ASCC3: variants seen among roughly 807,000 people sequenced by gnomAD.
ASCC3 encodes the protein ASC-1 complex subunit P200.
Under a neutral mutation model 256.3 loss-of-function variants are expected in ASCC3, and 158 were observed. The ratio of observed to expected loss-of-function variants is 0.62; its 90% confidence interval spans 0.54 to 0.70. The LOEUF is 0.70. Among genes scored for constraint, ASCC3 ranks in the 30% least tolerant of loss-of-function variants. ASCC3 has a pLI of 0.00. For missense variants in ASCC3, 2,259 were observed against 2,626.0 expected, an observed-to-expected ratio of 0.86 and a Z score of 3.05; for synonymous variants, 948 against 883.4, an observed-to-expected ratio of 1.07 and a Z score of -1.30.
intron 36 of ASCC3, among the ~76,000 whole-genome samples, chr6:100,560,271 A>G (rs1769863236): frequency 6.6e-6 from 1 of 152,154 alleles, no homozygotes; most frequent in South Asian, 2.1e-4. Flanking sequence ...AACTTTCGAG[A>G]AGTTATATTT....
chr6:100,685,716 T>C (rs1250527117), intron 13 of ASCC3, among the ~76,000 whole-genome samples: 1 of 152,242 alleles, frequency 6.6e-6, no homozygotes, highest in Admixed American at 6.5e-5. Context: ...ATTTCAGATA[T>C]ATTTATTTAT....
At chr6:100,660,333 G>A (rs1027844482) in intron 16 of ASCC3, among the ~76,000 whole-genome samples, 5 of 151,614 alleles carry the variant, frequency 3.3e-5, no homozygotes, top group Non-Finnish European at 7.4e-5. Context: ...GATAATGTAC[G>A]TGAAGCACTG....
intron 13 of ASCC3, among the ~76,000 whole-genome samples, chr6:100,709,926 GTA>G (rs1472266065): frequency 6.6e-6 from 1 of 152,112 alleles, no homozygotes; most frequent in African/African-American, 2.4e-5. Flanking sequence ...TAGGAGATAT[GTA>G]GGTATTTCTA....
At chr6:100,718,017 G>C in intron 12 of ASCC3, 58 bp downstream of exon 12, 1 of 1,537,346 alleles carries the variant, frequency 6.5e-7, no homozygotes, top group South Asian at 1.1e-5. Context: ...CTCCAAACAA[G>C]TATTCAATAA....
chr6:100,522,455 G>A (rs1048701902), intron 37 of ASCC3, among the ~76,000 whole-genome samples: 2 of 152,114 alleles, frequency 1.3e-5, no homozygotes, highest in African/African-American at 4.8e-5. Context: ...CACATTTTAA[G>A]TGAGGTGCTA....
chr6:100,580,175 T>C (rs1478303308), intron 36 of ASCC3, among the ~76,000 whole-genome samples: 1 of 152,160 alleles, frequency 6.6e-6, no homozygotes, highest in Non-Finnish European at 1.5e-5. Flanking sequence ...TACACTAATT[T>C]TGTATTCTGG....
chr6:100,676,407 A>T (rs892219078), intron 14 of ASCC3, among the ~76,000 whole-genome samples: 2 of 152,182 alleles, frequency 1.3e-5, no homozygotes, highest in African/African-American at 4.8e-5. Flanking sequence ...TAGAGGTAAA[A>T]TCACAACCAG....
chr6:100,674,317 T>C (rs957240976), intron 14 of ASCC3, among the ~76,000 whole-genome samples: 2 of 151,976 alleles, frequency 1.3e-5, no homozygotes, highest in South Asian at 4.1e-4. Flanking sequence ...TTACCCACTT[T>C]ATTTCTTCTT....
chr6:100,766,485 A>T, intron 10 of ASCC3, 80 bp downstream of exon 10: 1 of 1,366,234 alleles, frequency 7.3e-7, no homozygotes, highest in Non-Finnish European at 1.0e-6. Context: ...CTAGTTATTT[A>T]AGATATAGTC....
chr6:100,729,870 C>A (rs1284938000), intron 10 of ASCC3, among the ~76,000 whole-genome samples: 1 of 152,048 alleles, frequency 6.6e-6, no homozygotes, highest in Non-Finnish European at 1.5e-5. Flanking sequence ...ACTGTGTAAT[C>A]ACATATGTGA....
At chr6:100,771,884 T>G (rs957969069) in intron 8 of ASCC3, among the ~76,000 whole-genome samples, 3 of 140,842 alleles carry the variant, frequency 2.1e-5, no homozygotes, top group South Asian at 2.5e-4. Context: ...TTTTTTTTTT[T>G]TTTTTTTTTT....
chr6:100,739,352 T>C (rs1006196159), intron 10 of ASCC3, among the ~76,000 whole-genome samples: 36 of 152,212 alleles, frequency 2.4e-4, no homozygotes, highest in African/African-American at 6.5e-4. Context: ...CAGTATTTTA[T>C]TGAGGATTTT....
intron 10 of ASCC3, among the ~76,000 whole-genome samples, chr6:100,752,409 T>G (rs150738925): frequency 6.6e-6 from 1 of 152,096 alleles, no homozygotes; most frequent in Admixed American, 6.6e-5. Flanking sequence ...GAAACCCAAA[T>G]AAAGTGGCAT....
intron 10 of ASCC3, among the ~76,000 whole-genome samples, chr6:100,753,807 A>G (rs1456255591): frequency 6.6e-6 from 1 of 152,156 alleles, no homozygotes; most frequent in African/African-American, 2.4e-5. Flanking sequence ...TGTTTTTGTT[A>G]TATTATTTGG....
At chr6:100,600,661 C>T (rs1267893192) in intron 34 of ASCC3, among the ~76,000 whole-genome samples, 2 of 151,974 alleles carry the variant, frequency 1.3e-5, no homozygotes, top group Admixed American at 6.6e-5. Flanking sequence ...TAAGACTTTA[C>T]AATGGTTTAA....
intron 14 of ASCC3, among the ~76,000 whole-genome samples, chr6:100,670,635 T>C (rs993703431): frequency 2.3e-5 from 3 of 132,432 alleles, no homozygotes; most frequent in African/African-American, 9.7e-5. Flanking sequence ...ACAACCAACT[T>C]TTTTTCCCCC....
chr6:100,844,575 T>C (rs1772302120), intron 4 of ASCC3, among the ~76,000 whole-genome samples: 1 of 152,104 alleles, frequency 6.6e-6, no homozygotes. Context: ...TCAAGTCTTA[T>C]TCACTTCCGG....
rs149956014 is a variant in ASCC3 at position 100,787,723 on chromosome 6, A to G, written c.1395+10990T>C. Among the ~76,000 whole-genome samples the G allele has an allele frequency of 1.5e-4, 23 of 152,256 alleles. 1 individual carries two copies. Among genetic ancestry groups the G allele is most frequent in the African/African-American group, 5.5e-4 (23 of 41,584 alleles). ...TTAACAAACATGCAAAAACAAATCA[A>G]TGTAGAGAGAAATCTTTTTGATAAA... On this transcript the variant is annotated intron_variant, in intron 8 of 41. Coordinates refer to ENST00000369162, the MANE Select transcript of ASCC3 (RefSeq NM_006828.4).
chr6:100,847,341 A>G (rs1772433637), intron 4 of ASCC3, among the ~76,000 whole-genome samples: 1 of 152,160 alleles, frequency 6.6e-6, no homozygotes, highest in Admixed American at 6.6e-5. Flanking sequence ...AACAGATCTG[A>G]TAAAAATTAA....
Sources: gnomAD v4.1 joint callset for allele counts (sites outside exome capture counted in the v4.1 genomes callset) on GRCh38, gnomAD v4.1.1 for gene constraint, MANE v1.5 for transcripts, NCBI Gene and HGNC (gene_info 2026-07-23, HGNC 2026-07-21) for gene names.